Variants in HTR4 observed in about 807,000 individuals in gnomAD.
HTR4 encodes the protein 5-hydroxytryptamine receptor 4, also known as 5-hydroxytryptamine (serotonin) receptor 4, G protein-coupled.
Under a neutral mutation model 36.8 loss-of-function variants are expected in HTR4, and 16 were observed. The ratio of observed to expected loss-of-function variants is 0.43; its 90% CI spans 0.29 to 0.66. The LOEUF is 0.66. Among genes scored for constraint, HTR4 ranks in the 30% least tolerant of loss-of-function variants. HTR4 has a pLI of 0.13. For synonymous variants in HTR4, 189 were observed against 185.1 expected (o/e 1.02, Z -0.17); for missense variants, 438 against 490.9 (o/e 0.89, Z 1.02).
At chr5:148,496,204 G>A (rs948605126) in intron 6 of HTR4, among the ~76,000 whole-genome samples, 2 of 152,128 alleles carry the variant, frequency 1.3e-5, no homozygotes, top group Non-Finnish European at 2.9e-5. Context: ...ATCCACAAAA[G>A]TCTAGGACCA....
At chr5:148,496,808 C>T (rs1225493865) in intron 6 of HTR4, among the ~76,000 whole-genome samples, 1 of 152,212 alleles carries the variant, frequency 6.6e-6, no homozygotes, top group Non-Finnish European at 1.5e-5. Context: ...ACCTTGTGTA[C>T]ACCTGCAGTG....
At chr5:148,623,079 A>G (rs1043771849) in intron 2 of HTR4, among the ~76,000 whole-genome samples, 11 of 152,128 alleles carry the variant, frequency 7.2e-5, no homozygotes, top group African/African-American at 2.4e-4. Context: ...GTGCAAATGC[A>G]AGAGAGAAAG....
intron 2 of HTR4, among the ~76,000 whole-genome samples, chr5:148,618,464 C>T (rs897748590): frequency 6.6e-6 from 1 of 152,210 alleles, no homozygotes; most frequent in Non-Finnish European, 1.5e-5. Context: ...CAACAGGATG[C>T]ATTAGCAGGA....
chr5:148,640,247 T>C (rs1753682270), intron 1 of HTR4, among the ~76,000 whole-genome samples: 1 of 152,244 alleles, frequency 6.6e-6, no homozygotes, highest in African/African-American at 2.4e-5. Context: ...TCCATCCATC[T>C]ATTTCATCTT....
At chr5:148,476,988 C>T (rs959269452), downstream of HTR4, among the ~76,000 whole-genome samples, 5 of 152,168 alleles carry the variant, frequency 3.3e-5, no homozygotes, top group Non-Finnish European at 5.9e-5. Context: ...TGTGCAAATC[C>T]GAAGAGTTGA....
chr5:148,519,554 A>G (rs918318482), intron 5 of HTR4, among the ~76,000 whole-genome samples: 3 of 152,158 alleles, frequency 2.0e-5, no homozygotes, highest in African/African-American at 7.2e-5. Context: ...TTAGGCATAG[A>G]TTCCATATTT....
intron 2 of HTR4, among the ~76,000 whole-genome samples, chr5:148,584,946 C>T (rs1761295247): frequency 1.3e-5 from 2 of 152,062 alleles, no homozygotes; most frequent in Non-Finnish European, 2.9e-5. Context: ...GCTGGCTGCA[C>T]CAGACCTGAA....
intron 2 of HTR4, among the ~76,000 whole-genome samples, chr5:148,630,625 AAAC>A (rs575202117): frequency 3.9e-4 from 59 of 152,286 alleles, no homozygotes; most frequent in Admixed American, 3.1e-3. Flanking sequence ...TACTAAATTG[AAAC>A]AATCAAGAAA....
chr5:148,598,612 T>C (rs552382016), intron 2 of HTR4, among the ~76,000 whole-genome samples: 2 of 152,198 alleles, frequency 1.3e-5, no homozygotes, highest in South Asian at 2.1e-4. Flanking sequence ...TGAAGGTTAG[T>C]GGTCAGTAAG....
chr5:148,614,484 A>G (rs1422540423), intron 2 of HTR4, among the ~76,000 whole-genome samples: 1 of 152,212 alleles, frequency 6.6e-6, no homozygotes, highest in Non-Finnish European at 1.5e-5. Flanking sequence ...CCATATGTAG[A>G]AAGCTGAAAC....
chr5:148,525,145 A>T (rs57434872), intron 4 of HTR4, among the ~76,000 whole-genome samples: 1,801 of 152,272 alleles, frequency 0.012, 33 homozygotes, highest in African/African-American at 0.042. Flanking sequence ...GCAAAATCAA[A>T]CTAAAGATAA....
intron 1 of HTR4, among the ~76,000 whole-genome samples, chr5:148,642,656 T>C (rs1031993676): frequency 1.5e-4 from 23 of 152,132 alleles, no homozygotes; most frequent in African/African-American, 5.6e-4. Flanking sequence ...GATTTCCTAG[T>C]ACTCCAAACT....
chr5:148,617,718 C>G (rs758961603), intron 2 of HTR4, among the ~76,000 whole-genome samples: 2 of 152,090 alleles, frequency 1.3e-5, no homozygotes, highest in Non-Finnish European at 2.9e-5. Context: ...CTGCCTGTCT[C>G]GGCCTCTCAA....
chr5:148,475,807 T>A (rs1329471850), downstream of HTR4, among the ~76,000 whole-genome samples: 1 of 152,234 alleles, frequency 6.6e-6, no homozygotes, highest in Non-Finnish European at 1.5e-5. Context: ...TGCCAGAGAC[T>A]GTGTGCCACT....
In HTR4 at chr5:148,603,334, G is replaced by A. The variant is rs191164031; in HGVS notation, c.26+33655C>T. Among the ~76,000 whole-genome samples the A allele has an allele frequency of 1.7e-3, 254 of 151,930 alleles. 1 individual carries two copies. The highest frequency in any genetic ancestry group is 5.5e-3 in the African/African-American group (229 of 41,504). Reference sequence around the variant, plus strand: ...GCATTTGAAAAAATGTTATAATTACGATTTACAAAGAAAAAACTCAGCAAA... The same window carrying A: ...GCATTTGAAAAAATGTTATAATTACAATTTACAAAGAAAAAACTCAGCAAA... On this transcript the variant is annotated intron_variant, in intron 2 of 6. Transcript: ENST00000377888.
intron 6 of HTR4, among the ~76,000 whole-genome samples, chr5:148,498,074 A>G (rs1332149532): frequency 6.6e-6 from 1 of 152,192 alleles, no homozygotes; most frequent in Non-Finnish European, 1.5e-5. Context: ...AATTTTAGCA[A>G]TCAAAACCCT....
chr5:148,552,389 A>T (rs188304982), intron 2 of HTR4, among the ~76,000 whole-genome samples: 1 of 152,346 alleles, frequency 6.6e-6, no homozygotes, highest in East Asian at 1.9e-4. Flanking sequence ...CTTAGAAAAA[A>T]GACCTTAATA....
intron 1 of HTR4, among the ~76,000 whole-genome samples, chr5:148,647,224 G>A (rs1039123622): frequency 3.3e-5 from 5 of 152,258 alleles, no homozygotes; most frequent in Admixed American, 6.5e-5. Flanking sequence ...ATCCAAAATG[G>A]TAATTTCTCA....
At chr5:148,608,584 C>G (rs1049772425) in intron 2 of HTR4, among the ~76,000 whole-genome samples, 1 of 152,052 alleles carries the variant, frequency 6.6e-6, no homozygotes, top group Non-Finnish European at 1.5e-5. Flanking sequence ...CCTTTAACAG[C>G]CATGTTAAAA....
Sources: allele counts gnomAD v4.1 joint callset (sites outside exome capture counted in the v4.1 genomes callset), GRCh38; gene constraint gnomAD v4.1.1; transcripts MANE v1.5; gene names NCBI Gene and HGNC (gene_info 2026-07-23, HGNC 2026-07-21).